Variants in AGPAT3 observed in about 807,000 individuals in gnomAD.
AGPAT3 encodes the protein 1-acyl-sn-glycerol-3-phosphate acyltransferase gamma.
In AGPAT3, 5 loss-of-function variants were observed where a neutral mutation model predicts 47.3. The observed-to-expected ratio is 0.11, with a 90% CI of 0.06 to 0.22. The LOEUF (loss-of-function observed/expected upper bound fraction) is 0.22, where lower values mean the gene tolerates loss of function less well. Ranked by LOEUF, AGPAT3 falls within the 10% of genes least tolerant of loss-of-function variation. The pLI, the probability that AGPAT3 is intolerant of heterozygous loss-of-function variation, is 1.00. For synonymous variants in AGPAT3, 212 were observed against 208.3 expected (o/e 1.02, Z -0.15); for missense variants, 315 against 493.0 (o/e 0.64, Z 3.42).
Position 43,930,323 on chromosome 21 carries a change from C to G in AGPAT3, c.-49+26304C>G, listed in dbSNP as rs529889787. Among the ~76,000 whole-genome samples the G allele has an allele frequency of 4.6e-5, 7 of 152,222 alleles. No individual in the cohort carries two copies. Among genetic ancestry groups the G allele is most frequent in the African/African-American group, 1.7e-4 (7 of 41,544 alleles). On this transcript the variant is annotated intron_variant, in intron 2 of 9. Transcript: ENST00000291572. The surrounding 1 kb of genome is among the most constrained non-coding windows in gnomAD (Gnocchi z 5.0). ...TTCCCTGTCCTGGGCCTGCCAGTGACTTTGTGGTCCTGGGCAGGATTATTT... is the reference window on the plus strand; with the variant it reads ...TTCCCTGTCCTGGGCCTGCCAGTGAGTTTGTGGTCCTGGGCAGGATTATTT...
In AGPAT3 at chr21:43,957,039, C is replaced by T. The variant is rs999482992; in HGVS notation, c.-48-2595C>T. Among the ~76,000 whole-genome samples the T allele has an allele frequency of 5.9e-5, 9 of 152,144 alleles. No individual in the cohort carries two copies. The South Asian group carries it at 1.9e-3, about 31-fold the overall frequency. On this transcript the variant is annotated intron_variant, in intron 2 of 9. Coordinates refer to ENST00000291572, the MANE Select transcript of AGPAT3 (RefSeq NM_020132.5). ...CTAAACCATGACCAGAGCTCTTGTC[C>T]CCACGGTTTCTGGGGAGCCAAGGGC...
rs1458700923 is a variant in AGPAT3 at position 43,981,383 on chromosome 21, C to G, written c.1042+196C>G. On this transcript the variant is annotated intron_variant, in intron 9 of 9. Transcript: ENST00000291572. The surrounding 1 kb of genome is among the most constrained non-coding windows in gnomAD (Gnocchi z 5.3). ...TTGCACTGAGCTGAGGGTCGCCTCCCCAGAGAGCCGAACGGCCGCCACCTG... is the reference window on the plus strand; with the variant it reads ...TTGCACTGAGCTGAGGGTCGCCTCCGCAGAGAGCCGAACGGCCGCCACCTG... The G allele has an allele frequency of 6.2e-6, 4 of 647,828 alleles. No individual in the cohort carries two copies. The East Asian group carries it at 1.1e-4, about 18-fold the overall frequency. The allele number at this position is 647,828 out of a possible 1,614,324, so 40.1% of individuals were successfully genotyped here.
chr21:43,950,073 G>A (rs1009229736), intron 2 of AGPAT3, among the ~76,000 whole-genome samples: 3 of 152,236 alleles, frequency 2.0e-5, no homozygotes, highest in Non-Finnish European at 4.4e-5. Flanking sequence ...AGCCCCCAGA[G>A]CCTGGGCCCA....
At chr21:43,876,019 G>C (rs1054165883) in intron 1 of AGPAT3, among the ~76,000 whole-genome samples, 3 of 151,872 alleles carry the variant, frequency 2.0e-5, no homozygotes, top group African/African-American at 7.3e-5. Context: ...GAACTCCCAA[G>C]GTCAAGTGAT....
intron 4 of AGPAT3, 69 bp from the exon 5 acceptor site, chr21:43,969,049 A>T (rs1386012851): frequency 6.5e-7 from 1 of 1,534,896 alleles, no homozygotes; most frequent in East Asian, 2.3e-5. Context: ...GTGCAGCGGG[A>T]GCCTGGCCAA....
At chr21:43,906,359 G>A (rs1213268952) in intron 2 of AGPAT3, among the ~76,000 whole-genome samples, 4 of 152,090 alleles carry the variant, frequency 2.6e-5, no homozygotes, top group African/African-American at 4.8e-5. Context: ...TGTTAATATC[G>A]AAATCTATAG....
At chr21:43,960,357 C>G (rs1021412466) in intron 3 of AGPAT3, among the ~76,000 whole-genome samples, 4 of 152,198 alleles carry the variant, frequency 2.6e-5, no homozygotes, top group Admixed American at 2.6e-4. Context: ...ATAGAGAAAC[C>G]GATCTGTACC....
intron 1 of AGPAT3, among the ~76,000 whole-genome samples, chr21:43,878,556 G>A (rs946475041): frequency 6.6e-6 from 1 of 152,222 alleles, no homozygotes; most frequent in African/African-American, 2.4e-5. Flanking sequence ...TCTAGTCAAT[G>A]TCTTGAAGGT....
chr21:43,966,874 A>G (rs999314495), intron 3 of AGPAT3: 3 of 152,262 alleles, frequency 2.0e-5, no homozygotes, highest in Non-Finnish European at 2.9e-5. Flanking sequence ...TTCCCGGACA[A>G]CTGGCTGGGG....
chr21:43,978,033 C>T lies in AGPAT3; in HGVS notation c.768-13C>T. On this transcript the variant is annotated splice_polypyrimidine_tract_variant and intron_variant, in intron 7 of 9. Coordinates refer to ENST00000291572, the MANE Select transcript of AGPAT3 (RefSeq NM_020132.5). ...GGTGATTCACCCTACCTTGAATCTT[C>T]TTCATAAAACAGGAGATTTCCTCTG... 6.2e-7 allele frequency: 1 copy of T among 1,609,486 alleles called. No individual in the cohort carries two copies. Among genetic ancestry groups the T allele is most frequent in the Non-Finnish European group, 8.5e-7 (1 of 1,177,248 alleles).
intron 2 of AGPAT3, among the ~76,000 whole-genome samples, chr21:43,941,793 A>G (rs752022007): frequency 3.3e-5 from 5 of 152,252 alleles, no homozygotes; most frequent in African/African-American, 9.6e-5. Context: ...GCCTGGGCGG[A>G]GAAAGGGTAT....
intron 2 of AGPAT3, among the ~76,000 whole-genome samples, chr21:43,953,848 A>C (rs2088317515): frequency 6.6e-6 from 1 of 152,226 alleles, no homozygotes; most frequent in Non-Finnish European, 1.5e-5. Context: ...AAAATGTAGA[A>C]GCTGGCTGGT....
At chr21:43,888,054 T>A (rs2145909023) in intron 1 of AGPAT3, among the ~76,000 whole-genome samples, 1 of 152,362 alleles carries the variant, frequency 6.6e-6, no homozygotes, top group South Asian at 2.1e-4. Flanking sequence ...TGTTTGTTTA[T>A]TTTTGAGACA....
intron 1 of AGPAT3, among the ~76,000 whole-genome samples, chr21:43,888,775 G>A (rs1209251447): frequency 6.6e-6 from 1 of 152,198 alleles, no homozygotes; most frequent in Admixed American, 6.5e-5. Flanking sequence ...CGGATCATGA[G>A]GTCAGGAGTT....
chr21:43,883,780 G>A (rs959173509), intron 1 of AGPAT3, among the ~76,000 whole-genome samples: 5 of 152,216 alleles, frequency 3.3e-5, no homozygotes, highest in Admixed American at 3.3e-4. Context: ...TTTTAGTAGA[G>A]ATGGGGTTTT....
At chr21:43,904,891 A>G (rs570867440) in intron 2 of AGPAT3, among the ~76,000 whole-genome samples, 1 of 152,288 alleles carries the variant, frequency 6.6e-6, no homozygotes, top group African/African-American at 2.4e-5. Flanking sequence ...CAAGGCTTCC[A>G]GGTGTAACTC....
rs7276578 is a variant in AGPAT3, at chr21:43,922,471, C to G, written c.-49+18452C>G. ...AGGCAGGCAGCGAGTGGAGGAGAGT[C>G]TCCCTGGGACCCTCCTTAACCCCAC... is the stretch of plus-strand genomic sequence containing the variant. On this transcript the variant is annotated intron_variant, in intron 2 of 9. Coordinates refer to ENST00000291572, the MANE Select transcript of AGPAT3 (RefSeq NM_020132.5). This position sits in a 1 kb window ranked among gnomAD's most constrained non-coding sequence, Gnocchi z 4.9. Among the ~76,000 whole-genome samples, 115,228 of 151,724 alleles carry G rather than the reference C, an allele frequency of 0.76. 43,829 individuals are homozygous for G. The highest frequency in any genetic ancestry group is 0.83 in the Admixed American group (12,719 of 15,274).
At chr21:43,936,558 C>T (rs907596863) in intron 2 of AGPAT3, among the ~76,000 whole-genome samples, 10 of 152,270 alleles carry the variant, frequency 6.6e-5, no homozygotes, top group African/African-American at 2.4e-4. Flanking sequence ...AATCAGGTGG[C>T]ACGCCGGTAA....
At chr21:43,951,525 T>A (rs1427951573) in intron 2 of AGPAT3, among the ~76,000 whole-genome samples, 2 of 152,180 alleles carry the variant, frequency 1.3e-5, no homozygotes, top group Non-Finnish European at 2.9e-5. Flanking sequence ...TGGTGACATC[T>A]TCTTCCTGGA....
Sources: gnomAD v4.1 joint callset for allele counts (sites outside exome capture counted in the v4.1 genomes callset) on GRCh38, gnomAD v4.1.1 for gene constraint, Gnocchi (gnomAD v3.1) non-coding constraint, MANE v1.5 for transcripts, NCBI Gene and HGNC (gene_info 2026-07-23, HGNC 2026-07-21) for gene names.